The following PTPRG variants were observed in gnomAD, a reference collection of about 807,000 sequenced individuals.
PTPRG encodes receptor-type tyrosine-protein phosphatase gamma.
Under a neutral mutation model 165.3 loss-of-function variants are expected in PTPRG, and 102 were observed. The observed-to-expected ratio is 0.62, with a 90% CI of 0.53 to 0.73. The LOEUF is 0.73. PTPRG is among the 30% of genes least tolerant of loss of function. The pLI is 0.00. For missense variants in PTPRG, 1,866 were observed against 1,861.4 expected, an observed-to-expected ratio of 1.00 and a Z score of -0.05; for synonymous variants, 675 against 669.5, an observed-to-expected ratio of 1.01 and a Z score of -0.13.
intron 8 of PTPRG, among the ~76,000 whole-genome samples, chr3:62,176,428 A>G (rs1012033663): frequency 5.9e-5 from 9 of 152,306 alleles, no homozygotes; most frequent in African/African-American, 2.2e-4. Context: ...CAATATTTCC[A>G]TCATCCAAGG....
intron 3 of PTPRG, among the ~76,000 whole-genome samples, chr3:61,993,334 C>T (rs1179744933): frequency 6.6e-6 from 1 of 152,062 alleles, no homozygotes; most frequent in Non-Finnish European, 1.5e-5. Context: ...TCTCCTGCCT[C>T]AGCCTCCTGA....
intron 5 of PTPRG, among the ~76,000 whole-genome samples, chr3:62,083,381 A>C (rs911795823): frequency 6.6e-6 from 1 of 152,056 alleles, no homozygotes; most frequent in Non-Finnish European, 1.5e-5. Flanking sequence ...GATTACAGGC[A>C]TGAGCCACCG....
In PTPRG at chr3:61,672,698, G is replaced by A. The variant is rs1703056429; in HGVS notation, c.86-76180G>A. On this transcript the variant is annotated intron_variant, in intron 1 of 29. Transcript: ENST00000474889. ...CGTCCAGCTTCGGCTCGGCATCAGA[G>A]GGAGACCGTGGAAAGAGAGGGAGAG... Among the ~76,000 whole-genome samples the A allele has an allele frequency of 1.3e-5, 2 of 149,246 alleles. 1 individual carries two copies. Among genetic ancestry groups the A allele is most frequent in the African/African-American group, 4.9e-5 (2 of 40,500 alleles).
intron 2 of PTPRG, among the ~76,000 whole-genome samples, chr3:61,979,044 T>C (rs1285249416): frequency 6.6e-6 from 1 of 152,206 alleles, no homozygotes; most frequent in Admixed American, 6.5e-5. Flanking sequence ...TCGAAGAAGA[T>C]AAAATGTAGA....
intron 2 of PTPRG, among the ~76,000 whole-genome samples, chr3:61,887,170 A>ATATATATATTTTTT (rs60282456): frequency 2.6e-5 from 3 of 115,522 alleles, no homozygotes; most frequent in East Asian, 6.6e-4. Flanking sequence ...ATATATATAT[A>ATATATATATTTTTT]TTTTTAATGC....
chr3:62,266,239 C>G (rs1051211207), intron 17 of PTPRG, among the ~76,000 whole-genome samples: 2 of 152,050 alleles, frequency 1.3e-5, no homozygotes, highest in African/African-American at 4.8e-5. Context: ...TTCATCTACC[C>G]TCTATATTAA....
At chr3:61,592,641 CTTTCTTTCTTTT>C (rs1700599861) in intron 1 of PTPRG, among the ~76,000 whole-genome samples, 1 of 139,980 alleles carries the variant, frequency 7.1e-6, no homozygotes, top group Admixed American at 7.1e-5. Flanking sequence ...TTCTTTCTTT[CTTTCTTTCTTTT>C]TTTTTTTTTT....
At chr3:61,738,751 G>A (rs1361460929) in intron 1 of PTPRG, among the ~76,000 whole-genome samples, 2 of 151,294 alleles carry the variant, frequency 1.3e-5, no homozygotes, top group African/African-American at 4.9e-5. Context: ...CTTAACTCAA[G>A]TTGTAACTTA....
intron 6 of PTPRG, among the ~76,000 whole-genome samples, chr3:62,154,541 G>A (rs1291159313): frequency 6.6e-6 from 1 of 152,136 alleles, no homozygotes; most frequent in Non-Finnish European, 1.5e-5. Flanking sequence ...CCCAATCAGC[G>A]TTCCCCTTTG....
intron 15 of PTPRG, among the ~76,000 whole-genome samples, chr3:62,249,909 G>T (rs1231455267): frequency 6.6e-6 from 1 of 152,158 alleles, no homozygotes; most frequent in Admixed American, 6.5e-5. Context: ...CCTATTACTT[G>T]ATAATGACAG....
In PTPRG at chr3:62,271,293, A is replaced by G; in HGVS notation, c.3010-90A>G. 1 of 1,101,472 alleles carries G rather than the reference A, an allele frequency of 9.1e-7. No individual in the cohort carries two copies. The highest frequency in any genetic ancestry group is 2.5e-5 in the East Asian group (1 of 39,802). 68.2% of individuals were successfully genotyped at this position (1,101,472 alleles called of 1,614,324 possible). On this transcript the variant is annotated intron_variant, in intron 20 of 29. Transcript: ENST00000474889. The surrounding 1 kb of genome is among the most constrained non-coding windows in gnomAD (Gnocchi z 4.1). Reference sequence around the variant, plus strand: ...AACAGTGATTAGGGTGAATGTGATCAGTGGTCATGTGTCCTGACACCCTTA... The same window carrying G: ...AACAGTGATTAGGGTGAATGTGATCGGTGGTCATGTGTCCTGACACCCTTA...
chr3:61,983,538 G>A (rs2040688341), intron 2 of PTPRG, among the ~76,000 whole-genome samples: 1 of 151,908 alleles, frequency 6.6e-6, no homozygotes. Context: ...ATTTTTAATG[G>A]CTTTTCATTA....
At chr3:61,659,253 A>G (rs947135196) in intron 1 of PTPRG, 3 of 940,172 alleles carry the variant, frequency 3.2e-6, no homozygotes. Flanking sequence ...TCAGGGCTTC[A>G]TATAGGCATA....
intron 17 of PTPRG, among the ~76,000 whole-genome samples, chr3:62,266,050 G>A (rs1415341925): frequency 6.6e-6 from 1 of 152,146 alleles, no homozygotes; most frequent in Non-Finnish European, 1.5e-5. Context: ...TGTGCCCAAA[G>A]GTCATGGTGT....
At chr3:61,838,149 C>G (rs921548923) in intron 2 of PTPRG, among the ~76,000 whole-genome samples, 30 of 152,162 alleles carry the variant, frequency 2.0e-4, no homozygotes, top group Non-Finnish European at 3.1e-4. Flanking sequence ...TGGGAGGGAA[C>G]TGGGCCTAAA....
At chr3:61,848,561 A>T (rs2036870998) in intron 2 of PTPRG, among the ~76,000 whole-genome samples, 1 of 152,214 alleles carries the variant, frequency 6.6e-6, no homozygotes, top group African/African-American at 2.4e-5. Flanking sequence ...GCAACTCATC[A>T]GGTCTTGCAA....
At chr3:61,612,035 C>T (rs1199978174) in intron 1 of PTPRG, among the ~76,000 whole-genome samples, 4 of 152,094 alleles carry the variant, frequency 2.6e-5, no homozygotes, top group African/African-American at 4.8e-5. Flanking sequence ...CTCCGCCTCC[C>T]GGGTTCAAGG....
At chr3:61,857,100 T>TA (rs58778264) in intron 2 of PTPRG, among the ~76,000 whole-genome samples, 1 of 152,134 alleles carries the variant, frequency 6.6e-6, no homozygotes, top group Non-Finnish European at 1.5e-5. Context: ...TTTTTTTTTT[T>TA]ACCCCCTCTC....
intron 2 of PTPRG, among the ~76,000 whole-genome samples, chr3:61,891,266 G>A (rs1174079828): frequency 6.6e-6 from 1 of 152,074 alleles, no homozygotes; most frequent in Non-Finnish European, 1.5e-5. Context: ...TTGCACTCCA[G>A]CCTGGGTGAC....
Sources: allele counts gnomAD v4.1 joint callset (sites outside exome capture counted in the v4.1 genomes callset), GRCh38; gene constraint gnomAD v4.1.1; non-coding constraint Gnocchi (gnomAD v3.1); transcripts MANE v1.5; gene names NCBI Gene and HGNC (gene_info 2026-07-23, HGNC 2026-07-21).